Variants in ZNF407 observed in about 807,000 individuals in gnomAD.
The protein encoded by ZNF407 is zinc finger protein 407.
In ZNF407, 17 loss-of-function variants were observed where a neutral mutation model predicts 131.2. That is an observed-to-expected ratio of 0.13 (90% CI 0.09 to 0.19). ZNF407 has a LOEUF of 0.19. Among genes scored for constraint, ZNF407 ranks in the 10% least tolerant of loss-of-function variants. The pLI, the probability that ZNF407 is intolerant of heterozygous loss-of-function variation, is 1.00. For missense variants in ZNF407, 2,681 were observed against 2,830.6 expected (o/e 0.95, Z 1.20); for synonymous variants, 1,156 against 1,062.0 (o/e 1.09, Z -1.72).
At chr18:74,626,737 C>T (rs1011109837) in intron 1 of ZNF407, among the ~76,000 whole-genome samples, 3 of 152,176 alleles carry the variant, frequency 2.0e-5, no homozygotes, top group South Asian at 2.1e-4. Context: ...GCAGTAAAAG[C>T]GTCAGGCTGA....
intron 8 of ZNF407, among the ~76,000 whole-genome samples, chr18:74,967,758 A>G (rs1016584776): frequency 6.6e-6 from 1 of 152,234 alleles, no homozygotes; most frequent in Non-Finnish European, 1.5e-5. Flanking sequence ...ATGTTTTGCT[A>G]AAGGAAATAA....
intron 7 of ZNF407, among the ~76,000 whole-genome samples, chr18:74,898,670 A>T (rs1599228725): frequency 6.6e-6 from 1 of 152,192 alleles, no homozygotes; most frequent in East Asian, 1.9e-4. Context: ...CTAGGGCACC[A>T]TTTGGAGATC....
chr18:74,905,096 T>G (rs1971578175), intron 7 of ZNF407, among the ~76,000 whole-genome samples: 1 of 152,240 alleles, frequency 6.6e-6, no homozygotes, highest in African/African-American at 2.4e-5. Context: ...TTTTGTCTTG[T>G]AAAATCATAT....
At chr18:74,663,267 C>T (rs1307537140) in intron 3 of ZNF407, among the ~76,000 whole-genome samples, 1 of 152,134 alleles carries the variant, frequency 6.6e-6, no homozygotes, top group African/African-American at 2.4e-5. Flanking sequence ...TGTACCACAT[C>T]TAAAACCAAA....
intron 3 of ZNF407, among the ~76,000 whole-genome samples, chr18:74,728,916 G>A (rs572980869): frequency 4.6e-5 from 7 of 152,238 alleles, no homozygotes; most frequent in East Asian, 3.9e-4. Context: ...TGAGTGGTAC[G>A]GTTGTTTTTA....
At chr18:74,707,654 C>T (rs1568176193) in intron 3 of ZNF407, among the ~76,000 whole-genome samples, 2 of 152,156 alleles carry the variant, frequency 1.3e-5, no homozygotes, top group South Asian at 4.1e-4. Context: ...TTTAGAAAGA[C>T]TTTCTTGTCC....
At chr18:75,045,881 G>A (rs543149935) in intron 8 of ZNF407, among the ~76,000 whole-genome samples, 67 of 152,258 alleles carry the variant, frequency 4.4e-4, no homozygotes, top group Admixed American at 1.0e-3. Flanking sequence ...ATGTTGCTGT[G>A]TAAGTCCCAG....
chr18:74,959,612 C>T (rs576679505), intron 8 of ZNF407, among the ~76,000 whole-genome samples: 35 of 152,270 alleles, frequency 2.3e-4, no homozygotes, highest in African/African-American at 5.5e-4. Flanking sequence ...CATCTCTAAA[C>T]GGAATACACT....
At chr18:74,994,162 AGGTCCTT>A (rs1444481104) in intron 8 of ZNF407, among the ~76,000 whole-genome samples, 9 of 152,342 alleles carry the variant, frequency 5.9e-5, no homozygotes, top group Non-Finnish European at 1.2e-4. Context: ...GTGTAAGAGA[AGGTCCTT>A]GTTCATAGGA....
chr18:74,771,874 C>A (rs1969369622), intron 3 of ZNF407, among the ~76,000 whole-genome samples: 1 of 151,938 alleles, frequency 6.6e-6, no homozygotes, highest in South Asian at 2.1e-4. Context: ...AAAAAAATCT[C>A]TATGCTTATA....
chr18:75,063,997 C>T lies in ZNF407; in HGVS notation c.6276C>T (p.Ala2092=), dbSNP rs771100187. 1.9e-5 allele frequency: 31 copies of T among 1,611,214 alleles called. No homozygotes were observed. Among genetic ancestry groups the T allele is most frequent in the African/African-American group, 5.3e-5 (4 of 74,878 alleles). Residue 2092 remains alanine (A), a synonymous_variant, in exon 9 of 9, where the codon GCC becomes GCT. Coordinates refer to ENST00000299687, the MANE Select transcript of ZNF407 (RefSeq NM_017757.3). The surrounding 1 kb of genome is among the most constrained non-coding windows in gnomAD (Gnocchi z 6.6). ...GVLQFAVCDT[A]AAGQLVKDGV... ...TCCAGTTTGCTGTGTGTGACACGGCCGCGGCCGGCCAGTTGGTCAAGGACG... is the reference window on the plus strand; with the variant it reads ...TCCAGTTTGCTGTGTGTGACACGGCTGCGGCCGGCCAGTTGGTCAAGGACG...
At chr18:74,748,537 A>G (rs1968724189) in intron 3 of ZNF407, among the ~76,000 whole-genome samples, 1 of 152,234 alleles carries the variant, frequency 6.6e-6, no homozygotes, top group African/African-American at 2.4e-5. Flanking sequence ...GTTTATTAAT[A>G]CAAATAAGAT....
chr18:74,775,545 A>C (rs1969451234), intron 3 of ZNF407, among the ~76,000 whole-genome samples: 1 of 152,158 alleles, frequency 6.6e-6, no homozygotes, highest in Admixed American at 6.5e-5. Context: ...CCACAAATCT[A>C]TTTTCTTATA....
At position 74,633,396 on chromosome 18, in the gene ZNF407, G is replaced by A. The variant is rs182062444; in HGVS notation, c.2377G>A (p.Gly793Arg). Residue 793 changes from glycine to arginine, a missense_variant, in exon 2 of 9, where the codon GGA becomes AGA. Gly to Arg is a moderately radical substitution (Grantham distance 125, BLOSUM62 -2). Around this residue, in one of 6 missense-constraint regions of ZNF407, gnomAD observed 1,789 missense variants for 1,748.7 expected, o/e 1.02. Coordinates refer to ENST00000299687, the MANE Select transcript of ZNF407 (RefSeq NM_017757.3). ...NDKKEEFDVS[G>R]NGRIEGHIGV... is the part of the protein sequence containing the mutation. ...TAAAAAAGAAGAGTTTGATGTTTCC[G>A]GAAATGGAAGGATTGAAGGCCATAT... 1,355 of 1,613,950 alleles carry A rather than the reference G, an allele frequency of 8.4e-4. 2 individuals carry two copies. Among genetic ancestry groups the A allele is most frequent in the Non-Finnish European group, 1.1e-3 (1,255 of 1,179,894 alleles).
intron 3 of ZNF407, among the ~76,000 whole-genome samples, chr18:74,688,630 T>G (rs1378401935): frequency 1.3e-5 from 2 of 152,214 alleles, no homozygotes; most frequent in Non-Finnish European, 2.9e-5. Flanking sequence ...TCTTCTATTT[T>G]TAATAGAAGT....
At chr18:75,034,838 G>A (rs950347644) in intron 8 of ZNF407, among the ~76,000 whole-genome samples, 2 of 152,102 alleles carry the variant, frequency 1.3e-5, no homozygotes, top group African/African-American at 4.8e-5. Flanking sequence ...CATCTCTGGG[G>A]GAAACTAAGT....
At chr18:75,024,392 G>GA (rs1282256358) in intron 8 of ZNF407, among the ~76,000 whole-genome samples, 1 of 151,982 alleles carries the variant, frequency 6.6e-6, no homozygotes, top group African/African-American at 2.4e-5. Flanking sequence ...AAGAATACAG[G>GA]AAAAAAATGT....
intron 8 of ZNF407, chr18:75,061,685 C>A: frequency 6.5e-6 from 1 of 152,738 alleles, no homozygotes; most frequent in Non-Finnish European, 1.5e-5. Context: ...CACCCAAGCC[C>A]TGTGCTCTGC....
intron 3 of ZNF407, among the ~76,000 whole-genome samples, chr18:74,708,494 CT>C (rs1237512399): frequency 6.6e-6 from 1 of 152,184 alleles, no homozygotes; most frequent in Non-Finnish European, 1.5e-5. Context: ...AACTATTGTG[CT>C]TTTAAGCAGA....
Sources: gnomAD v4.1 joint callset for allele counts (sites outside exome capture counted in the v4.1 genomes callset) on GRCh38, gnomAD v4.1.1 for gene constraint, gnomAD v4.1.1 regional missense constraint, Gnocchi (gnomAD v3.1) non-coding constraint, MANE v1.5 for transcripts, NCBI Gene and HGNC (gene_info 2026-07-23, HGNC 2026-07-21) for gene names.